SCHIP1: variants seen among roughly 807,000 people sequenced by gnomAD.
SCHIP1 encodes schwannomin-interacting protein 1.
SCHIP1 carries 8 observed loss-of-function variants against 29.7 expected under a neutral mutation model. The ratio of observed to expected loss-of-function variants is 0.27; its 90% CI spans 0.16 to 0.49. The LOEUF (loss-of-function observed/expected upper bound fraction) is 0.49. Among genes scored for constraint, SCHIP1 ranks in the 20% least tolerant of loss-of-function variants. The probability of loss-of-function intolerance (pLI) is 0.99; values close to 1 mark genes in which losing one functional copy is unlikely to be tolerated. For missense variants in SCHIP1, 193 were observed against 294.6 expected, an observed-to-expected ratio of 0.66 and a Z score of 2.52; for synonymous variants, 76 against 94.9, an observed-to-expected ratio of 0.80 and a Z score of 1.16.
the SCHIP1 span, among the ~76,000 whole-genome samples, chr3:159,277,913 CAAAAG>C: frequency 7.0e-6 from 1 of 143,446 alleles, no homozygotes; most frequent in African/African-American, 2.6e-5. Flanking sequence ...AACTCCGTCT[CAAAAG>C]AAAAAAAAAA....
the SCHIP1 span, among the ~76,000 whole-genome samples, chr3:159,742,355 C>T: frequency 6.6e-6 from 1 of 152,274 alleles, no homozygotes; most frequent in Non-Finnish European, 1.5e-5. Flanking sequence ...CAGTGGTATC[C>T]CCTGGGGATT....
chr3:159,888,720 T>G, intron 4 of SCHIP1, 100 bp from the exon 6 acceptor site: 1 of 1,507,202 alleles, frequency 6.6e-7, no homozygotes, highest in Non-Finnish European at 8.9e-7. Flanking sequence ...TGAATTGCAG[T>G]GGGTGGGTGA....
At chr3:159,398,625 T>C in the SCHIP1 span, among the ~76,000 whole-genome samples, 1,631 of 152,150 alleles carry the variant, frequency 0.011, 27 homozygotes, top group African/African-American at 0.038. Flanking sequence ...ATCTCAGAGG[T>C]CATAGAAATG....
At chr3:159,545,477 T>C in the SCHIP1 span, among the ~76,000 whole-genome samples, 1 of 151,804 alleles carries the variant, frequency 6.6e-6, no homozygotes, top group African/African-American at 2.4e-5. Context: ...TTCTTCAGTT[T>C]TGGAACCTGG....
chr3:159,483,980 C>T, the SCHIP1 span, among the ~76,000 whole-genome samples: 1 of 152,128 alleles, frequency 6.6e-6, no homozygotes, highest in Non-Finnish European at 1.5e-5. Context: ...ATCTGGTCTA[C>T]AATCCCTCAA....
the SCHIP1 span, among the ~76,000 whole-genome samples, chr3:159,392,095 C>A: frequency 1.3e-5 from 2 of 152,154 alleles, no homozygotes; most frequent in Non-Finnish European, 2.9e-5. Flanking sequence ...TTTTCTTTCA[C>A]TGCCCACATC....
the SCHIP1 span, among the ~76,000 whole-genome samples, chr3:159,710,116 C>T: frequency 3.9e-5 from 6 of 152,150 alleles, no homozygotes; most frequent in Non-Finnish European, 5.9e-5. Flanking sequence ...GAAATCTGTA[C>T]GTTGAAGAGA....
the SCHIP1 span, among the ~76,000 whole-genome samples, chr3:159,457,010 CTATAAT>C: frequency 1.3e-5 from 2 of 152,118 alleles, no homozygotes; most frequent in Non-Finnish European, 2.9e-5. Context: ...AAAACCCTTA[CTATAAT>C]TATAATTTGG....
At chr3:159,603,481 C>G in the SCHIP1 span, among the ~76,000 whole-genome samples, 1 of 152,158 alleles carries the variant, frequency 6.6e-6, no homozygotes, top group South Asian at 2.1e-4. Context: ...AGTGACAAGC[C>G]TCCATCCTGA....
At chr3:159,420,073 A>G in the SCHIP1 span, among the ~76,000 whole-genome samples, 1 of 152,238 alleles carries the variant, frequency 6.6e-6, no homozygotes, top group Admixed American at 6.5e-5. Flanking sequence ...CTGGGCTAAG[A>G]ACCAGAAATA....
At chr3:159,371,888 T>G in the SCHIP1 span, among the ~76,000 whole-genome samples, 1 of 152,146 alleles carries the variant, frequency 6.6e-6, no homozygotes, top group African/African-American at 2.4e-5. Flanking sequence ...TGACTTGTGA[T>G]TTGTTGAATT....
the SCHIP1 span, among the ~76,000 whole-genome samples, chr3:159,740,121 C>T: frequency 6.6e-6 from 1 of 152,260 alleles, no homozygotes; most frequent in African/African-American, 2.4e-5. Flanking sequence ...AGACTGACCT[C>T]AGTGTGTCTC....
chr3:159,468,777 A>ATTTTT, the SCHIP1 span, among the ~76,000 whole-genome samples: 1 of 127,348 alleles, frequency 7.9e-6, no homozygotes, highest in African/African-American at 3.0e-5. Flanking sequence ...ATATATATAT[A>ATTTTT]TTTTTTTTAG....
chr3:159,842,332 A>G (rs778381157), intron 1 of SCHIP1, among the ~76,000 whole-genome samples: 23 of 152,214 alleles, frequency 1.5e-4, no homozygotes, highest in Non-Finnish European at 2.8e-4. Context: ...TGAAAATTGC[A>G]TGCACATTTT....
chr3:159,839,871 G>A, exon 1 of SCHIP1: 2 of 1,369,082 alleles, frequency 1.5e-6, no homozygotes, highest in Non-Finnish European at 1.9e-6. Flanking sequence ...TTTTCTTTGT[G>A]CCTATAATAT....
chr3:159,573,726 C>T, the SCHIP1 span, among the ~76,000 whole-genome samples: 1 of 152,170 alleles, frequency 6.6e-6, no homozygotes, highest in Non-Finnish European at 1.5e-5. Context: ...TTCCATTCTC[C>T]TCATCACTTT....
chr3:159,787,948 G>A, the SCHIP1 span, among the ~76,000 whole-genome samples: 10 of 152,288 alleles, frequency 6.6e-5, no homozygotes, highest in South Asian at 1.9e-3. Flanking sequence ...TGAGGTTTAT[G>A]TAGGGGAATG....
chr3:159,552,284 G>T, the SCHIP1 span, among the ~76,000 whole-genome samples: 1 of 151,896 alleles, frequency 6.6e-6, no homozygotes, highest in Non-Finnish European at 1.5e-5. Flanking sequence ...AACCCCAGGT[G>T]ATCCACCAGC....
the SCHIP1 span, among the ~76,000 whole-genome samples, chr3:159,516,926 C>T: frequency 6.6e-5 from 10 of 152,222 alleles, no homozygotes; most frequent in South Asian, 2.1e-4. Flanking sequence ...AGGAACTGCA[C>T]GAGATAATCC....
Sources: gnomAD v4.1 joint callset for allele counts (sites outside exome capture counted in the v4.1 genomes callset) on GRCh38, gnomAD v4.1.1 for gene constraint, MANE v1.5 for transcripts, NCBI Gene and HGNC (gene_info 2026-07-23, HGNC 2026-07-21) for gene names.